Variants in MYRIP observed in about 807,000 individuals in gnomAD.
MYRIP encodes the protein rab effector MyRIP.
In MYRIP, 49 loss-of-function variants were observed where a neutral mutation model predicts 98.0. The observed-to-expected ratio is 0.50, with a 90% CI of 0.40 to 0.63. The LOEUF is 0.63. Among genes scored for constraint, MYRIP ranks in the 30% least tolerant of loss-of-function variants. MYRIP has a pLI of 0.00. For missense variants in MYRIP, 1,004 were observed against 1,058.2 expected (o/e 0.95, Z 0.71); for synonymous variants, 404 against 409.5 (o/e 0.99, Z 0.16).
chr3:39,832,825 T>G (rs372223789), intron 1 of MYRIP, among the ~76,000 whole-genome samples: 2 of 152,224 alleles, frequency 1.3e-5, no homozygotes, highest in East Asian at 3.8e-4. Context: ...TGAATATATA[T>G]CTTTAGGAAT....
chr3:40,240,267 A>C (rs1952965411), intron 12 of MYRIP, among the ~76,000 whole-genome samples: 1 of 152,232 alleles, frequency 6.6e-6, no homozygotes, highest in East Asian at 1.9e-4. Flanking sequence ...ATTGATCTAT[A>C]TCTCTGTTTT....
intron 2 of MYRIP, among the ~76,000 whole-genome samples, chr3:40,008,790 A>T (rs1300562498): frequency 1.3e-5 from 2 of 152,214 alleles, no homozygotes; most frequent in African/African-American, 4.8e-5. Flanking sequence ...TGCTGAAAGA[A>T]CACGAAGTCA....
chr3:39,925,770 T>A (rs772010677), intron 2 of MYRIP, among the ~76,000 whole-genome samples: 2 of 152,178 alleles, frequency 1.3e-5, no homozygotes, highest in African/African-American at 2.4e-5. Flanking sequence ...CTTGCTATTG[T>A]GAATAGTGCT....
At chr3:40,010,053 G>T (rs1946726161) in intron 2 of MYRIP, among the ~76,000 whole-genome samples, 1 of 152,248 alleles carries the variant, frequency 6.6e-6, no homozygotes, top group African/African-American at 2.4e-5. Context: ...GACAGTGAAT[G>T]AGAGGGTCCT....
intron 12 of MYRIP, among the ~76,000 whole-genome samples, chr3:40,237,861 T>C (rs908533028): frequency 2.0e-5 from 3 of 152,244 alleles, no homozygotes; most frequent in Non-Finnish European, 4.4e-5. Context: ...TCAGTTCTCA[T>C]AGCACACTTA....
At chr3:39,876,823 G>A (rs1943010849) in intron 1 of MYRIP, among the ~76,000 whole-genome samples, 1 of 151,936 alleles carries the variant, frequency 6.6e-6, no homozygotes, top group African/African-American at 2.4e-5. Context: ...ATGTGTCTTG[G>A]AGTTGCTCTT....
At chr3:40,156,125 G>T (rs1361446709) in intron 4 of MYRIP, among the ~76,000 whole-genome samples, 1 of 151,388 alleles carries the variant, frequency 6.6e-6, no homozygotes, top group African/African-American at 2.4e-5. Context: ...TATGGTTTTA[G>T]GTCTAACATT....
At chr3:40,030,657 A>C (rs1947238872) in intron 2 of MYRIP, among the ~76,000 whole-genome samples, 2 of 152,202 alleles carry the variant, frequency 1.3e-5, no homozygotes, top group Admixed American at 1.3e-4. Context: ...AAGGAATGAA[A>C]TGTTGATGCA....
intron 3 of MYRIP, among the ~76,000 whole-genome samples, chr3:40,079,071 A>G (rs1227014956): frequency 6.6e-6 from 1 of 152,224 alleles, no homozygotes; most frequent in African/African-American, 2.4e-5. Context: ...CTAATTTAGC[A>G]GTGAAAACCC....
chr3:40,030,708 G>T (rs1425516565), intron 2 of MYRIP, among the ~76,000 whole-genome samples: 1 of 152,140 alleles, frequency 6.6e-6, no homozygotes, highest in Admixed American at 6.6e-5. Flanking sequence ...TATGCAAAGT[G>T]AAAGAAGCCA....
rs1303159330 is a variant in MYRIP at position 39,870,924 on chromosome 3, T to C, written c.-30-29863T>C. Among the ~76,000 whole-genome samples, 4 of 152,322 alleles carry C rather than the reference T, an allele frequency of 2.6e-5. No individual in the cohort carries two copies. In the East Asian group the frequency reaches 7.7e-4, roughly 29 times the overall value. ...GAGTAGTTCAGTATGGAATGAATGA[T>C]GTCATGTCTTCAGGTTTTCTGATCT... On this transcript the variant is annotated intron_variant, in intron 1 of 16. Transcript: ENST00000302541.
chr3:39,851,282 G>A (rs1430054755), intron 1 of MYRIP, among the ~76,000 whole-genome samples: 1 of 152,090 alleles, frequency 6.6e-6, no homozygotes, highest in Admixed American at 6.5e-5. Context: ...CTACCTCCTG[G>A]GAGCCAGTAG....
intron 2 of MYRIP, among the ~76,000 whole-genome samples, chr3:40,012,885 C>G (rs527524428): frequency 6.6e-6 from 1 of 152,184 alleles, no homozygotes; most frequent in South Asian, 2.1e-4. Flanking sequence ...TAATTGCATG[C>G]GTCTACATAT....
chr3:40,170,788 C>G (rs1950595461), intron 8 of MYRIP, among the ~76,000 whole-genome samples: 1 of 152,200 alleles, frequency 6.6e-6, no homozygotes, highest in Admixed American at 6.5e-5. Context: ...TAGGTGCTCA[C>G]AGTCTGGGAC....
intron 2 of MYRIP, among the ~76,000 whole-genome samples, chr3:40,035,945 C>T (rs1424529907): frequency 2.0e-5 from 3 of 151,686 alleles, no homozygotes; most frequent in Non-Finnish European, 4.4e-5. Context: ...GAAACTAGAA[C>T]TGAAGTACTT....
intron 3 of MYRIP, among the ~76,000 whole-genome samples, chr3:40,110,698 C>T (rs979857459): frequency 5.9e-5 from 9 of 152,148 alleles, no homozygotes; most frequent in African/African-American, 1.9e-4. Context: ...GGCCCACATA[C>T]ATGTCCAAGG....
At chr3:40,136,515 A>G (rs529292046) in intron 3 of MYRIP, among the ~76,000 whole-genome samples, 3 of 152,338 alleles carry the variant, frequency 2.0e-5, no homozygotes, top group African/African-American at 7.2e-5. Flanking sequence ...ACTTGAACTC[A>G]GCTCTGCACC....
chr3:40,128,382 C>T (rs989649024), intron 3 of MYRIP, among the ~76,000 whole-genome samples: 1 of 152,312 alleles, frequency 6.6e-6, no homozygotes, highest in South Asian at 2.1e-4. Flanking sequence ...AACATAGTTG[C>T]ACGGCTCAGT....
At chr3:40,074,523 C>T (rs1575516121) in intron 3 of MYRIP, among the ~76,000 whole-genome samples, 1 of 151,980 alleles carries the variant, frequency 6.6e-6, no homozygotes, top group East Asian at 1.9e-4. Context: ...ATTTATGTTA[C>T]TAATATAAAA....
Sources: allele counts gnomAD v4.1 joint callset (sites outside exome capture counted in the v4.1 genomes callset), GRCh38; gene constraint gnomAD v4.1.1; transcripts MANE v1.5; gene names NCBI Gene and HGNC (gene_info 2026-07-23, HGNC 2026-07-21).